The following PSMB7 variants were observed in gnomAD, a reference collection of about 807,000 sequenced individuals.
PSMB7 encodes the protein proteasome subunit beta type-7.
Under a neutral mutation model 28.1 loss-of-function variants are expected in PSMB7, and 5 were observed. That is an observed-to-expected ratio of 0.18 (90% CI 0.09 to 0.37). The LOEUF is 0.37. Ranked by LOEUF, PSMB7 falls within the 10% of genes least tolerant of loss-of-function variation. The pLI is 1.00. For missense variants in PSMB7, 275 were observed against 346.2 expected (o/e 0.79, Z 1.63); for synonymous variants, 122 against 123.7 (o/e 0.99, Z 0.09).
At chr9:124,368,478 T>G (rs1385221359) in intron 6 of PSMB7, among the ~76,000 whole-genome samples, 1 of 152,224 alleles carries the variant, frequency 6.6e-6, no homozygotes, top group African/African-American at 2.4e-5. Flanking sequence ...AATCTAGTCA[T>G]CGAATCCCAC....
At chr9:124,412,572 TC>T in intron 3 of PSMB7, 80 bp from the exon 4 acceptor site, 1 of 1,462,322 alleles carries the variant, frequency 6.8e-7, no homozygotes, top group Non-Finnish European at 9.4e-7. Flanking sequence ...TTGGATAACT[TC>T]CATGAAGTTC....
intron 5 of PSMB7, among the ~76,000 whole-genome samples, chr9:124,401,215 T>C (rs967352360): frequency 6.6e-6 from 1 of 152,252 alleles, no homozygotes; most frequent in Non-Finnish European, 1.5e-5. Context: ...TCTGTCATGT[T>C]CATAAATTAT....
intron 5 of PSMB7, among the ~76,000 whole-genome samples, chr9:124,400,124 T>C (rs1158748254): frequency 2.0e-5 from 3 of 152,192 alleles, no homozygotes; most frequent in African/African-American, 7.2e-5. Context: ...TCACTGCTCC[T>C]GCCGCACCCA....
At chr9:124,382,448 T>C (rs1830677416) in intron 6 of PSMB7, among the ~76,000 whole-genome samples, 1 of 151,918 alleles carries the variant, frequency 6.6e-6, no homozygotes, top group Non-Finnish European at 1.5e-5. Flanking sequence ...CCTCAAGTGA[T>C]CCACCCGCCT....
At chr9:124,375,109 A>G (rs763950616) in intron 6 of PSMB7, among the ~76,000 whole-genome samples, 3 of 152,142 alleles carry the variant, frequency 2.0e-5, no homozygotes, top group East Asian at 1.9e-4. Context: ...CTCCATCTCA[A>G]AAGAAAAAAA....
At chr9:124,415,184 G>T in intron 1 of PSMB7, 180 bp downstream of exon 1, 1 of 692,818 alleles carries the variant, frequency 1.4e-6, no homozygotes. Flanking sequence ...TGGGAGAGCA[G>T]ACCCGGCTTC....
intron 1 of PSMB7, 110 bp downstream of exon 1, chr9:124,415,254 C>T: frequency 3.3e-6 from 4 of 1,219,454 alleles, no homozygotes; most frequent in Admixed American, 1.9e-5. Flanking sequence ...GGGCCACAGG[C>T]CCCGCCATGA....
chr9:124,414,187 A>C (rs1831060619), intron 2 of PSMB7, among the ~76,000 whole-genome samples, 182 bp from the exon 3 acceptor site: 1 of 152,238 alleles, frequency 6.6e-6, no homozygotes, highest in Non-Finnish European at 1.5e-5. Context: ...GTTTCTTAGT[A>C]AATGCTACTA....
chr9:124,409,943 A>G (rs1831010995), intron 4 of PSMB7, among the ~76,000 whole-genome samples: 3 of 152,236 alleles, frequency 2.0e-5, no homozygotes. Context: ...AAATTTTGAT[A>G]AAATTTAACT....
chr9:124,378,813 T>C (rs1341622792), intron 6 of PSMB7, among the ~76,000 whole-genome samples: 1 of 152,242 alleles, frequency 6.6e-6, no homozygotes, highest in Non-Finnish European at 1.5e-5. Flanking sequence ...ATTTTCAAGA[T>C]ACATATCTGC....
intron 6 of PSMB7, among the ~76,000 whole-genome samples, chr9:124,360,175 C>G (rs1018288751): frequency 6.6e-6 from 1 of 152,230 alleles, no homozygotes; most frequent in African/African-American, 2.4e-5. Context: ...AATTAAACAA[C>G]TTTTGTCTTT....
rs889081178 is a variant in PSMB7 at position 124,415,011 on chromosome 9, A to T, written c.63-76T>A. 8 of 969,912 alleles carry T rather than the reference A, an allele frequency of 8.2e-6. No homozygotes were observed. In the African/African-American group the frequency reaches 1.1e-4, roughly 14 times the overall value. 60.1% of individuals were successfully genotyped at this position (969,912 alleles called of 1,614,324 possible). On this transcript the variant is annotated intron_variant, in intron 1 of 7. Transcript: ENST00000259457. ...AGCACTGGCATGAAAAGTGCCTAAC[A>T]GAGAACTCAGGAAAGCTGCTACTTG...
intron 6 of PSMB7, among the ~76,000 whole-genome samples, chr9:124,365,508 T>C (rs754458907): frequency 6.6e-6 from 1 of 152,180 alleles, no homozygotes; most frequent in Non-Finnish European, 1.5e-5. Flanking sequence ...GCCCACCCTT[T>C]ATGCTAAGCA....
chr9:124,398,875 G>A (rs961272314), intron 5 of PSMB7, among the ~76,000 whole-genome samples: 3 of 152,104 alleles, frequency 2.0e-5, no homozygotes, highest in Non-Finnish European at 1.5e-5. Context: ...CAGGTTTCTC[G>A]TCAGTAAAAT....
chr9:124,406,872 C>G (rs548012572), intron 4 of PSMB7, among the ~76,000 whole-genome samples: 1 of 151,896 alleles, frequency 6.6e-6, no homozygotes, highest in Non-Finnish European at 1.5e-5. Context: ...CAATGTTACT[C>G]CTAACGTGGG....
chr9:124,364,484 T>C (rs893374172), intron 6 of PSMB7, among the ~76,000 whole-genome samples: 7 of 138,122 alleles, frequency 5.1e-5, no homozygotes, highest in African/African-American at 1.9e-4. Flanking sequence ...TGTATACAAA[T>C]ATATATTTCC....
intron 5 of PSMB7, among the ~76,000 whole-genome samples, chr9:124,397,269 C>T (rs1032612196): frequency 5.9e-5 from 9 of 152,274 alleles, no homozygotes; most frequent in African/African-American, 2.2e-4. Context: ...GGTGCTACAG[C>T]TGGATGAACG....
At chr9:124,410,935 A>G (rs1372365696) in intron 4 of PSMB7, among the ~76,000 whole-genome samples, 1 of 152,198 alleles carries the variant, frequency 6.6e-6, no homozygotes, top group Non-Finnish European at 1.5e-5. Flanking sequence ...GATTACGGCC[A>G]CATGTTTCCA....
At chr9:124,391,544 T>A (rs766887604) in intron 5 of PSMB7, among the ~76,000 whole-genome samples, 5 of 152,126 alleles carry the variant, frequency 3.3e-5, no homozygotes, top group Non-Finnish European at 1.5e-5. Flanking sequence ...GAGACTGGAA[T>A]TTAGTTAAAT....
Sources: allele counts gnomAD v4.1 joint callset (sites outside exome capture counted in the v4.1 genomes callset), GRCh38; gene constraint gnomAD v4.1.1; transcripts MANE v1.5; gene names NCBI Gene and HGNC (gene_info 2026-07-23, HGNC 2026-07-21).